TPH2: variants seen among roughly 807,000 people sequenced by gnomAD.
TPH2 encodes the protein tryptophan 5-hydroxylase 2.
In TPH2, 27 loss-of-function variants were observed where a neutral mutation model predicts 59.1. That is an observed-to-expected ratio of 0.46 (90% confidence interval 0.34 to 0.63). TPH2 has a LOEUF of 0.63. Among genes scored for constraint, TPH2 ranks in the 30% least tolerant of loss-of-function variants. The pLI, the probability that TPH2 is intolerant of heterozygous loss-of-function variation, is 0.01. For synonymous variants in TPH2, 220 were observed against 210.5 expected (o/e 1.05, Z -0.39); for missense variants, 523 against 588.3 (o/e 0.89, Z 1.15).
intron 5 of TPH2, among the ~76,000 whole-genome samples, chr12:71,969,213 G>A (rs1477002349): frequency 6.6e-6 from 1 of 152,164 alleles, no homozygotes; most frequent in South Asian, 2.1e-4. Flanking sequence ...AACCCGGGAG[G>A]CGGAGCTTGC....
intron 8 of TPH2, among the ~76,000 whole-genome samples, chr12:71,998,135 G>C (rs75415006): frequency 9.2e-5 from 14 of 152,222 alleles, no homozygotes; most frequent in South Asian, 2.1e-4. Flanking sequence ...TTGGGATGGA[G>C]TAGGGGTGGG....
intron 7 of TPH2, among the ~76,000 whole-genome samples, chr12:71,989,496 T>TTTCCTTC (rs1267497703): frequency 6.6e-6 from 1 of 152,230 alleles, no homozygotes. Flanking sequence ...CTCATCTCCC[T>TTTCCTTC]TTCCTTCTCT....
intron 9 of TPH2, among the ~76,000 whole-genome samples, chr12:72,030,243 A>G (rs1331216165): frequency 6.6e-6 from 1 of 152,156 alleles, no homozygotes; most frequent in Non-Finnish European, 1.5e-5. Flanking sequence ...AGTATTTCTC[A>G]ATATATAGTT....
At chr12:72,004,875 A>G (rs1190886589) in intron 8 of TPH2, among the ~76,000 whole-genome samples, 1 of 152,222 alleles carries the variant, frequency 6.6e-6, no homozygotes, top group Non-Finnish European at 1.5e-5. Context: ...GAACTGTGAT[A>G]TAAAAACCCA....
chr12:72,006,693 C>T (rs1408671102), intron 8 of TPH2, among the ~76,000 whole-genome samples: 1 of 151,992 alleles, frequency 6.6e-6, no homozygotes, highest in Non-Finnish European at 1.5e-5. Flanking sequence ...CACAGAAACA[C>T]CAAAGTCAAG....
At chr12:71,962,227 A>T in intron 5 of TPH2, 2 of 985,948 alleles carry the variant, frequency 2.0e-6, no homozygotes, top group Non-Finnish European at 2.4e-6. Context: ...ATGGTTGTTA[A>T]GTTGCTGTAC....
intron 4 of TPH2, among the ~76,000 whole-genome samples, chr12:71,945,405 A>T (rs548505844): frequency 6.6e-6 from 1 of 152,186 alleles, no homozygotes; most frequent in Admixed American, 6.5e-5. Flanking sequence ...GAAGTAAGCA[A>T]TGCACCCATT....
chr12:71,988,757 C>G (rs535109470), intron 7 of TPH2, among the ~76,000 whole-genome samples: 1 of 152,198 alleles, frequency 6.6e-6, no homozygotes, highest in African/African-American at 2.4e-5. Flanking sequence ...TTCCATTGCA[C>G]TCTTTCTGTG....
At chr12:71,961,727 A>G in intron 5 of TPH2, 1 of 1,347,076 alleles carries the variant, frequency 7.4e-7, no homozygotes, top group Non-Finnish European at 9.8e-7. Flanking sequence ...GATGAAAATC[A>G]CTTCTCTAGA....
At position 71,994,583 on chromosome 12, in the gene TPH2, T is replaced by C. The variant is rs1278196812; in HGVS notation, c.1068+18T>C. The C allele has an allele frequency of 1.9e-6, 3 of 1,613,504 alleles. No individual in the cohort carries two copies. On this transcript the variant is annotated intron_variant, in intron 8 of 10. Transcript: ENST00000333850. ...TAGCCACGGTGAGTTCATTTTCAAC[T>C]TAAAACCAGTGCTATTTATGTCCAT...
In TPH2 at chr12:72,032,152, A is replaced by G; in HGVS notation, c.*457A>G. 5.4e-6 allele frequency: 1 copy of G among 185,260 alleles called. No individual in the cohort carries two copies. Among genetic ancestry groups the G allele is most frequent in the Admixed American group, 5.4e-5 (1 of 18,506 alleles). The allele number at this position is 185,260 out of a possible 1,614,324, so 11.5% of individuals were successfully genotyped here. On this transcript the variant is annotated 3_prime_UTR_variant, in exon 11 of 11. Coordinates refer to ENST00000333850, the MANE Select transcript of TPH2 (RefSeq NM_173353.4). ...TTGAGATAAACCCAGAATTGTAGGA[A>G]ACTTCCCATCACAATAACAAAGGTT...
chr12:71,964,658 T>A, intron 5 of TPH2: 1 of 985,390 alleles, frequency 1.0e-6, no homozygotes, highest in African/African-American at 1.7e-5. Context: ...CTATGGTTAC[T>A]GGCTAAAAAT....
intron 8 of TPH2, among the ~76,000 whole-genome samples, chr12:72,019,718 G>A (rs1045467722): frequency 2.6e-5 from 4 of 152,156 alleles, no homozygotes; most frequent in Admixed American, 2.0e-4. Flanking sequence ...TGGGATCACA[G>A]GCTTTGTTGC....
chr12:71,944,764 G>C (rs983295245), intron 4 of TPH2, 78 bp downstream of exon 4: 22 of 1,254,518 alleles, frequency 1.8e-5, no homozygotes, highest in Non-Finnish European at 2.6e-5. Context: ...CATGTTCTGT[G>C]CTGCAATGCT....
At chr12:72,009,393 AATTTTCACTATC>A (rs1184449728) in intron 8 of TPH2, among the ~76,000 whole-genome samples, 1 of 152,206 alleles carries the variant, frequency 6.6e-6, no homozygotes, top group East Asian at 1.9e-4. Flanking sequence ...TTGTCTCATG[AATTTTCACTATC>A]CTTTACCAAA....
At chr12:71,978,759 T>G (rs1294813092) in intron 6 of TPH2, among the ~76,000 whole-genome samples, 193 bp from the exon 7 acceptor site, 1 of 152,186 alleles carries the variant, frequency 6.6e-6, no homozygotes, top group African/African-American at 2.4e-5. Flanking sequence ...AAACCGTCAT[T>G]TGAGAGTGAT....
chr12:71,965,904 G>A (rs896580198), intron 5 of TPH2, among the ~76,000 whole-genome samples: 2 of 152,076 alleles, frequency 1.3e-5, no homozygotes. Flanking sequence ...TATCCAAGAG[G>A]GTACTGCCTA....
chr12:71,967,950 T>C (rs1483416060), intron 5 of TPH2, among the ~76,000 whole-genome samples: 1 of 152,204 alleles, frequency 6.6e-6, no homozygotes, highest in East Asian at 1.9e-4. Flanking sequence ...TGAATGTGTG[T>C]GGATGTGCAT....
chr12:71,964,103 C>G lies in TPH2; in HGVS notation c.609-8416C>G, dbSNP rs1377432282. ...ACATATATCTCAGTTTCATTCAAAA[C>G]CTGAGAAAGCAAATCAATGGAAGAT... On this transcript the variant is annotated intron_variant, in intron 5 of 10. Transcript: ENST00000333850. 4.0e-5 allele frequency among the ~76,000 whole-genome samples: 2 copies of G among 49,582 alleles called. 1 individual carries two copies. The highest frequency in any genetic ancestry group is 1.1e-4 in the African/African-American group (2 of 17,626). 32.5% of individuals were successfully genotyped at this position (49,582 alleles called of 152,430 possible).
Sources: allele counts gnomAD v4.1 joint callset (sites outside exome capture counted in the v4.1 genomes callset), GRCh38; gene constraint gnomAD v4.1.1; transcripts MANE v1.5; gene names NCBI Gene and HGNC (gene_info 2026-07-23, HGNC 2026-07-21).